CTNNA2: variants seen among roughly 807,000 people sequenced by gnomAD.
The protein encoded by CTNNA2 is catenin alpha 2.
Under a neutral mutation model 101.0 loss-of-function variants are expected in CTNNA2, and 42 were observed. That is an observed-to-expected ratio of 0.42 (90% CI 0.32 to 0.54). The LOEUF (loss-of-function observed/expected upper bound fraction) is 0.54, where lower values mean the gene tolerates loss of function less well. CTNNA2 is among the 20% of genes least tolerant of loss of function. The pLI is 0.14. For missense variants in CTNNA2, 871 were observed against 1,223.1 expected (o/e 0.71, Z 4.29); for synonymous variants, 450 against 456.4 (o/e 0.99, Z 0.18).
At chr2:79,804,293 T>C (rs1293228722) in intron 3 of CTNNA2, among the ~76,000 whole-genome samples, 1 of 152,178 alleles carries the variant, frequency 6.6e-6, no homozygotes, top group Non-Finnish European at 1.5e-5. Flanking sequence ...TTTTAACATA[T>C]ACCAAACTGC....
At chr2:80,240,908 C>T (rs747517505) in intron 7 of CTNNA2, among the ~76,000 whole-genome samples, 4 of 152,106 alleles carry the variant, frequency 2.6e-5, no homozygotes, top group Non-Finnish European at 5.9e-5. Flanking sequence ...CTTTACTTTA[C>T]ATGTGAATAT....
At chr2:79,547,978 C>T (rs1330265300) in intron 1 of CTNNA2, 1 of 152,138 alleles carries the variant, frequency 6.6e-6, no homozygotes, top group African/African-American at 2.4e-5. Flanking sequence ...TTTGCATCTT[C>T]TTGATATTCA....
At chr2:79,930,423 G>C (rs562690670) in intron 7 of CTNNA2, among the ~76,000 whole-genome samples, 1 of 152,272 alleles carries the variant, frequency 6.6e-6, no homozygotes, top group Admixed American at 6.5e-5. Context: ...CCTTTGTAGA[G>C]CAACCTTAGG....
intron 7 of CTNNA2, among the ~76,000 whole-genome samples, chr2:80,080,966 A>AAG (rs1013611328): frequency 6.6e-6 from 1 of 150,590 alleles, no homozygotes; most frequent in African/African-American, 2.4e-5. Flanking sequence ...AAAAAAAAAA[A>AAG]AAAAAAGAAA....
chr2:80,365,187 G>A (rs1277070847), intron 7 of CTNNA2, among the ~76,000 whole-genome samples: 3 of 151,988 alleles, frequency 2.0e-5, no homozygotes, highest in Non-Finnish European at 2.9e-5. Context: ...ACATCAAATC[G>A]TTCAAAGAAA....
intron 7 of CTNNA2, among the ~76,000 whole-genome samples, chr2:80,314,553 G>A (rs114785759): frequency 0.019 from 2,874 of 152,300 alleles, 78 homozygotes; most frequent in African/African-American, 0.056. Context: ...TCATGTGGCT[G>A]TGGAAGAGAT....
chr2:79,798,484 T>A (rs1467503175), intron 3 of CTNNA2, among the ~76,000 whole-genome samples: 3 of 151,836 alleles, frequency 2.0e-5, no homozygotes, highest in Non-Finnish European at 4.4e-5. Context: ...AATTATTTTT[T>A]AAAAATGCAG....
chr2:79,882,796 G>A (rs574972207), intron 6 of CTNNA2, among the ~76,000 whole-genome samples: 12 of 152,336 alleles, frequency 7.9e-5, no homozygotes, highest in Admixed American at 5.9e-4. Flanking sequence ...GAGAATCTGC[G>A]TAGCTCTGGG....
At chr2:80,011,298 T>C (rs1693761318) in intron 7 of CTNNA2, among the ~76,000 whole-genome samples, 1 of 152,218 alleles carries the variant, frequency 6.6e-6, no homozygotes, top group Non-Finnish European at 1.5e-5. Flanking sequence ...GGCTATGTTA[T>C]TCTTTTTCAA....
chr2:80,105,064 T>C (rs933288850), intron 7 of CTNNA2, among the ~76,000 whole-genome samples: 1 of 152,166 alleles, frequency 6.6e-6, no homozygotes, highest in Non-Finnish European at 1.5e-5. Context: ...TTCTTCAAAA[T>C]GAAAGGAAAG....
At chr2:79,716,101 G>A (rs553932093) in intron 2 of CTNNA2, among the ~76,000 whole-genome samples, 52 of 152,106 alleles carry the variant, frequency 3.4e-4, no homozygotes, top group African/African-American at 9.6e-4. Flanking sequence ...CCTAGATGAC[G>A]TAGTGAACTA....
intron 2 of CTNNA2, among the ~76,000 whole-genome samples, chr2:79,670,394 G>C (rs1682752872): frequency 6.6e-6 from 1 of 152,180 alleles, no homozygotes; most frequent in Admixed American, 6.5e-5. Context: ...TGGAACAAAA[G>C]ACCTGGGTCT....
intron 7 of CTNNA2, among the ~76,000 whole-genome samples, chr2:80,202,105 T>C (rs1707246761): frequency 2.0e-5 from 3 of 152,188 alleles, no homozygotes; most frequent in Admixed American, 2.0e-4. Flanking sequence ...CTTTTCATTA[T>C]CAGCAGAATA....
chr2:79,547,458 T>A (rs1416360159), intron 1 of CTNNA2: 3 of 152,594 alleles, frequency 2.0e-5, no homozygotes, highest in Non-Finnish European at 4.4e-5. Context: ...CTGAAGAATT[T>A]TCCACAATCA....
chr2:80,421,085 C>T (rs368103748), intron 9 of CTNNA2, among the ~76,000 whole-genome samples: 27 of 151,746 alleles, frequency 1.8e-4, no homozygotes, highest in East Asian at 1.8e-3. Context: ...TGATCACTTT[C>T]GTATTTTGAG....
chr2:80,365,863 A>G (rs917258297), intron 7 of CTNNA2, among the ~76,000 whole-genome samples: 2 of 152,180 alleles, frequency 1.3e-5, no homozygotes, highest in East Asian at 3.9e-4. Context: ...AAGACTTTCA[A>G]TGAATCAGAG....
chr2:80,418,190 C>A (rs1680205346), intron 8 of CTNNA2, among the ~76,000 whole-genome samples: 1 of 152,134 alleles, frequency 6.6e-6, no homozygotes, highest in South Asian at 2.1e-4. Context: ...CTAGGCGCTG[C>A]CATTTGTTAA....
At chr2:79,237,815 G>T (rs1443007973) in intron 2 of CTNNA2, among the ~76,000 whole-genome samples, 1 of 152,156 alleles carries the variant, frequency 6.6e-6, no homozygotes, top group African/African-American at 2.4e-5. Context: ...CTCAGCCATT[G>T]TAAGATTGAA....
intron 3 of CTNNA2, among the ~76,000 whole-genome samples, chr2:79,817,399 G>A (rs1219067258): frequency 8.1e-6 from 1 of 123,318 alleles, no homozygotes; most frequent in East Asian, 2.6e-4. Flanking sequence ...CTTAAAATCT[G>A]TCAGTGGTTC....
Sources: gnomAD v4.1 joint callset for allele counts (sites outside exome capture counted in the v4.1 genomes callset) on GRCh38, gnomAD v4.1.1 for gene constraint, MANE v1.5 for transcripts, NCBI Gene and HGNC (gene_info 2026-07-23, HGNC 2026-07-21) for gene names.